MRPL23: variants seen among roughly 807,000 people sequenced by gnomAD.
MRPL23 encodes large ribosomal subunit protein uL23m.
For synonymous variants in MRPL23, 12 were observed against 34.8 expected (o/e 0.35, Z 2.30); for missense variants, 25 against 81.3 (o/e 0.31, Z 2.66).
chr11:1,983,321 G>A (rs1224109118), intron 5 of MRPL23: 1 of 14,738 alleles, frequency 6.8e-5, no homozygotes, highest in East Asian at 1.1e-3. Flanking sequence ...GGCTACCCCC[G>A]TCCAGGTGGC....
In MRPL23 at chr11:1,954,152, C is replaced by T. The variant is rs11825679; in HGVS notation, c.297+1297C>T. Among the ~76,000 whole-genome samples the T allele has an allele frequency of 4.6e-4, 62 of 135,458 alleles. 11 individuals are homozygous for T. The South Asian group carries it at 0.013, about 29-fold the overall frequency. 88.9% of individuals were successfully genotyped at this position (135,458 alleles called of 152,430 possible). A position where few individuals can be genotyped will look rare whatever the true frequency, so the allele number is the denominator to read the frequency against. Reference sequence around the variant, plus strand: ...ATCCGGTGTCTGCAGCTGCTGCCCGCGTGTTGTTCTCCCTCTGTGAAGTCC... The same window carrying T: ...ATCCGGTGTCTGCAGCTGCTGCCCGTGTGTTGTTCTCCCTCTGTGAAGTCC... On this transcript the variant is annotated intron_variant, in intron 4 of 4. Transcript: ENST00000397298.
intron 4 of MRPL23, among the ~76,000 whole-genome samples, chr11:1,953,592 GC>G (rs1856352045): frequency 9.8e-6 from 1 of 101,782 alleles, no homozygotes; most frequent in Admixed American, 1.3e-4. Context: ...TCCACAGCCT[GC>G]CCCGGCCGCC....
the MRPL23 span, chr11:1,993,624 ACCT>A: frequency 1.8e-5 from 1 of 54,456 alleles, no homozygotes; most frequent in African/African-American, 4.4e-5. Context: ...TGCTTTGTAA[ACCT>A]CCTGCAGAGT....
downstream of MRPL23, among the ~76,000 whole-genome samples, chr11:1,960,099 C>T (rs1856465217): frequency 9.9e-6 from 1 of 101,198 alleles, no homozygotes. Context: ...TGGACGGCCC[C>T]ACTTCTCTAT....
downstream of MRPL23, among the ~76,000 whole-genome samples, chr11:1,966,617 C>T (rs373334116): frequency 3.6e-5 from 1 of 27,988 alleles, no homozygotes; most frequent in African/African-American, 8.4e-5. Flanking sequence ...CCTCCTCCCC[C>T]GGTGCCTGCT....
downstream of MRPL23, among the ~76,000 whole-genome samples, chr11:1,988,952 C>A (rs1451293130): frequency 1.4e-5 from 2 of 143,476 alleles, no homozygotes; most frequent in East Asian, 4.1e-4. Flanking sequence ...TGGGTCAGCA[C>A]ACACGCTCCC....
chr11:1,959,233 T>C (rs1856453634), downstream of MRPL23, among the ~76,000 whole-genome samples: 1 of 48,052 alleles, frequency 2.1e-5, no homozygotes, highest in Non-Finnish European at 4.4e-5. Flanking sequence ...ACATGCCTGC[T>C]GCAGAGGAGC....
the MRPL23 span, among the ~76,000 whole-genome samples, chr11:1,994,371 G>A: frequency 3.1e-5 from 3 of 96,010 alleles, no homozygotes; most frequent in East Asian, 9.2e-4. Flanking sequence ...TGGCACCTGG[G>A]GAGCGAACCC....
At chr11:1,994,587 A>C in the MRPL23 span, among the ~76,000 whole-genome samples, 8 of 92,584 alleles carry the variant, frequency 8.6e-5, no homozygotes, top group East Asian at 3.1e-4. Context: ...CTCCCCCACA[A>C]CCCCCTGGCT....
chr11:1,994,277 G>A, the MRPL23 span, among the ~76,000 whole-genome samples: 9 of 98,348 alleles, frequency 9.2e-5, no homozygotes, highest in Admixed American at 2.0e-4. Context: ...GCGAGGGGCC[G>A]GGAGCTGGGA....
At chr11:1,989,124 G>A (rs1036986495), downstream of MRPL23, among the ~76,000 whole-genome samples, 2 of 133,700 alleles carry the variant, frequency 1.5e-5, no homozygotes, top group African/African-American at 2.5e-5. Context: ...CCGGTGTGTC[G>A]TGGTGGCAGG....
chr11:1,991,550 T>TCTCA, the MRPL23 span, among the ~76,000 whole-genome samples: 1 of 67,742 alleles, frequency 1.5e-5, no homozygotes, highest in Non-Finnish European at 4.2e-5. Context: ...TTGTCAGGCA[T>TCTCA]CACACACACA....
chr11:1,983,870 C>G (rs544634547), intron 5 of MRPL23: 1 of 131,948 alleles, frequency 7.6e-6, no homozygotes, highest in African/African-American at 2.6e-5. Context: ...CAAAAAACAG[C>G]CTCCGCACCA....
At chr11:1,994,390 C>T in the MRPL23 span, among the ~76,000 whole-genome samples, 1 of 95,214 alleles carries the variant, frequency 1.1e-5, no homozygotes, top group African/African-American at 2.7e-5. Flanking sequence ...CCCTGCATAC[C>T]GGGGTTCTTG....
chr11:1,993,016 CAG>C, the MRPL23 span, among the ~76,000 whole-genome samples: 3 of 143,280 alleles, frequency 2.1e-5, no homozygotes, highest in Middle Eastern at 3.7e-3. Context: ...CTCCAGCACT[CAG>C]GGGCTGCCCT....
the MRPL23 span, chr11:1,991,961 C>T: frequency 1.2e-5 from 1 of 85,088 alleles, no homozygotes; most frequent in Non-Finnish European, 2.8e-5. Context: ...TGTCTCCATT[C>T]GGTGGTATAC....
chr11:1,988,923 G>A (rs915187619), downstream of MRPL23, among the ~76,000 whole-genome samples: 2 of 144,862 alleles, frequency 1.4e-5, no homozygotes, highest in Admixed American at 1.4e-4. Flanking sequence ...CCCCACAGAC[G>A]GGCCTCCCTG....
In MRPL23 at chr11:1,950,680, C is replaced by T. The variant is rs12795800; in HGVS notation, c.18-219C>T. Reference sequence around the variant, plus strand: ...CTGCAGGGTTAGCTACCCTGTTTCCCGCCCACCACTGTTGGGAGTGGACAC... The same window carrying T: ...CTGCAGGGTTAGCTACCCTGTTTCCTGCCCACCACTGTTGGGAGTGGACAC... On this transcript the variant is annotated intron_variant, in intron 1 of 4. Coordinates refer to ENST00000397298, the MANE Select transcript of MRPL23 (RefSeq NM_021134.4). 3.8e-4 allele frequency among the ~76,000 whole-genome samples: 13 copies of T among 34,124 alleles called. 4 individuals are homozygous for T. The highest frequency in any genetic ancestry group is 2.1e-3 in the South Asian group (1 of 478). 22.4% of individuals were successfully genotyped at this position (34,124 alleles called of 152,430 possible).
chr11:1,991,720 C>T, the MRPL23 span, among the ~76,000 whole-genome samples: 4 of 126,754 alleles, frequency 3.2e-5, no homozygotes, highest in African/African-American at 5.3e-5. Flanking sequence ...GGAGGGCCCC[C>T]GCCCGGACCC....
Sources: gnomAD v4.1 joint callset for allele counts (sites outside exome capture counted in the v4.1 genomes callset) on GRCh38, gnomAD v4.1.1 for gene constraint, MANE v1.5 for transcripts, NCBI Gene and HGNC (gene_info 2026-07-23, HGNC 2026-07-21) for gene names.